TRPM3: variants seen among roughly 807,000 people sequenced by gnomAD.
TRPM3 encodes the protein transient receptor potential cation channel subfamily M member 3.
TRPM3 carries 77 observed loss-of-function variants against 181.2 expected under a neutral mutation model. The observed-to-expected ratio is 0.42, with a 90% confidence interval of 0.35 to 0.51. The LOEUF (loss-of-function observed/expected upper bound fraction) is 0.51, where lower values mean the gene tolerates loss of function less well. TRPM3 is among the 20% of genes least tolerant of loss of function. The probability of loss-of-function intolerance (pLI) is 0.01; values close to 1 mark genes in which losing one functional copy is unlikely to be tolerated. For synonymous variants in TRPM3, 745 were observed against 796.4 expected (o/e 0.94, Z 1.09); for missense variants, 1,759 against 2,196.7 (o/e 0.80, Z 3.98).
chr9:71,069,121 G>A (rs2062343629), intron 1 of TRPM3, among the ~76,000 whole-genome samples: 3 of 152,218 alleles, frequency 2.0e-5, no homozygotes, highest in Non-Finnish European at 4.4e-5. Context: ...GAATGAGGAA[G>A]CTGCCTATGT....
intron 1 of TRPM3, among the ~76,000 whole-genome samples, chr9:70,944,083 A>G (rs567669269): frequency 6.6e-6 from 1 of 152,286 alleles, no homozygotes; most frequent in East Asian, 1.9e-4. Context: ...ACTCCTGGCT[A>G]AAATAATTTC....
At chr9:71,249,040 C>A (rs905112933) in intron 1 of TRPM3, among the ~76,000 whole-genome samples, 2 of 152,166 alleles carry the variant, frequency 1.3e-5, no homozygotes, top group Non-Finnish European at 2.9e-5. Flanking sequence ...CTGGAATATA[C>A]TTCCTGACTT....
intron 1 of TRPM3, among the ~76,000 whole-genome samples, chr9:71,366,359 G>A (rs968466914): frequency 1.3e-5 from 2 of 152,128 alleles, no homozygotes; most frequent in Non-Finnish European, 2.9e-5. Context: ...GGACAGGGAG[G>A]GGCATGGAGC....
intron 12 of TRPM3, among the ~76,000 whole-genome samples, chr9:70,634,593 A>G (rs1029500814): frequency 1.3e-4 from 20 of 152,302 alleles, no homozygotes; most frequent in Admixed American, 1.0e-3. Flanking sequence ...CTAAATGCCA[A>G]TATAGCTCTC....
At chr9:70,946,695 C>T (rs1317549895) in intron 1 of TRPM3, among the ~76,000 whole-genome samples, 8 of 152,004 alleles carry the variant, frequency 5.3e-5, no homozygotes, top group Admixed American at 5.2e-4. Flanking sequence ...TACCAGCACC[C>T]GAAATCCCTC....
chr9:71,176,031 G>T (rs937728197), intron 1 of TRPM3, among the ~76,000 whole-genome samples: 3 of 152,110 alleles, frequency 2.0e-5, no homozygotes, highest in African/African-American at 7.2e-5. Context: ...GCTGCCAGCT[G>T]TATAAAAGGA....
At chr9:70,553,347 G>T in intron 22 of TRPM3, 37 bp from the exon 23 acceptor site, 3 of 1,602,306 alleles carry the variant, frequency 1.9e-6, no homozygotes, top group Non-Finnish European at 2.6e-6. Flanking sequence ...TGAGAAACTG[G>T]CTATTTGAGT....
intron 1 of TRPM3, among the ~76,000 whole-genome samples, chr9:71,248,685 T>C (rs1037020202): frequency 2.0e-5 from 3 of 152,226 alleles, no homozygotes; most frequent in Non-Finnish European, 4.4e-5. Context: ...TCTTGTTGTC[T>C]GCTTGATCTT....
intron 8 of TRPM3, among the ~76,000 whole-genome samples, chr9:70,755,297 C>T (rs1290577299): frequency 2.0e-5 from 3 of 151,832 alleles, no homozygotes; most frequent in Non-Finnish European, 2.9e-5. Flanking sequence ...CAAAGGGAAG[C>T]CCATCAGACT....
intron 22 of TRPM3, among the ~76,000 whole-genome samples, chr9:70,570,611 C>G (rs2052049467): frequency 6.6e-6 from 1 of 152,152 alleles, no homozygotes; most frequent in Admixed American, 6.5e-5. Context: ...CGGCGTCCGG[C>G]CTTAGATATT....
intron 9 of TRPM3, among the ~76,000 whole-genome samples, chr9:70,648,466 A>AG (rs1480849922): frequency 6.6e-6 from 1 of 152,158 alleles, no homozygotes; most frequent in Non-Finnish European, 1.5e-5. Flanking sequence ...ATCACATCTC[A>AG]GAAAAAAAGC....
At chr9:71,310,549 T>C (rs1363970412) in intron 1 of TRPM3, among the ~76,000 whole-genome samples, 2 of 152,108 alleles carry the variant, frequency 1.3e-5, no homozygotes, top group East Asian at 1.9e-4. Flanking sequence ...ATTGCTCTAA[T>C]TTCATAGCCA....
At chr9:71,196,210 TCTAC>T (rs2078348459) in intron 1 of TRPM3, among the ~76,000 whole-genome samples, 1 of 151,828 alleles carries the variant, frequency 6.6e-6, no homozygotes, top group Non-Finnish European at 1.5e-5. Flanking sequence ...ACTTATTTGC[TCTAC>T]CTGTGGTATA....
At chr9:70,792,242 G>T (rs1211535511) in intron 6 of TRPM3, among the ~76,000 whole-genome samples, 1 of 152,112 alleles carries the variant, frequency 6.6e-6, no homozygotes, top group Non-Finnish European at 1.5e-5. Context: ...TGAGCCCAAG[G>T]CCAGTAACTG....
At chr9:70,835,209 C>G (rs1426961424) in intron 5 of TRPM3, among the ~76,000 whole-genome samples, 1 of 152,058 alleles carries the variant, frequency 6.6e-6, no homozygotes, top group Non-Finnish European at 1.5e-5. Flanking sequence ...ACTGCAGAAC[C>G]CTGAGACAAA....
At position 70,535,803 on chromosome 9, in the gene TRPM3, G is replaced by A; in HGVS notation, c.*150C>T. 6.7e-7 allele frequency: 1 copy of A among 1,496,734 alleles called. No individual in the cohort carries two copies. Among genetic ancestry groups the A allele is most frequent in the Non-Finnish European group, 8.8e-7 (1 of 1,131,586 alleles). 92.7% of individuals were successfully genotyped at this position (1,496,734 alleles called of 1,614,324 possible). A position where few individuals can be genotyped will look rare whatever the true frequency, so the allele number is the denominator to read the frequency against. The stretch of plus-strand genomic sequence containing the variant: ...TGCTTTCTTGATCTGTGGCCCAGAA[G>A]TCACCTTTGAGTTAACACCTCCCAA... On this transcript the variant is annotated 3_prime_UTR_variant, in exon 26 of 26. Coordinates refer to ENST00000677713, the MANE Select transcript of TRPM3 (RefSeq NM_001366145.2).
At chr9:70,897,579 G>A (rs2096296701) in intron 1 of TRPM3, among the ~76,000 whole-genome samples, 1 of 152,118 alleles carries the variant, frequency 6.6e-6, no homozygotes, top group African/African-American at 2.4e-5. Flanking sequence ...GCAAGGTCTA[G>A]GCTGAGTTTT....
intron 1 of TRPM3, among the ~76,000 whole-genome samples, chr9:71,023,889 T>C (rs528019431): frequency 7.6e-4 from 116 of 152,216 alleles, no homozygotes; most frequent in African/African-American, 2.7e-3. Context: ...CAAAAGGTCC[T>C]TGTGGGGATG....
intron 5 of TRPM3, among the ~76,000 whole-genome samples, chr9:70,838,789 C>T (rs1408888872): frequency 6.6e-6 from 1 of 152,068 alleles, no homozygotes; most frequent in Admixed American, 6.6e-5. Context: ...AAAATGATTA[C>T]CATCTCAGTA....
Sources: allele counts gnomAD v4.1 joint callset (sites outside exome capture counted in the v4.1 genomes callset), GRCh38; gene constraint gnomAD v4.1.1; transcripts MANE v1.5; gene names NCBI Gene and HGNC (gene_info 2026-07-23, HGNC 2026-07-21).